The following PCED1B variants were observed in gnomAD, a reference collection of about 807,000 sequenced individuals.
The protein encoded by PCED1B is PC-esterase domain containing 1B.
For synonymous variants in PCED1B, 251 were observed against 246.1 expected, an observed-to-expected ratio of 1.02 and a Z score of -0.19; for missense variants, 573 against 573.9, an observed-to-expected ratio of 1.00 and a Z score of 0.02.
At chr12:47,140,426 C>T (rs1223417271) in intron 2 of PCED1B, among the ~76,000 whole-genome samples, 1 of 152,136 alleles carries the variant, frequency 6.6e-6, no homozygotes, top group East Asian at 1.9e-4. Flanking sequence ...TTTTATGCCC[C>T]TGGCATCTTG....
chr12:47,197,304 T>A lies in PCED1B; in HGVS notation c.-525-18918T>A, dbSNP rs1942635879. ...GCCCTCGCTTGTAAAAAAAAGTCAT[T>A]GCATATTAAAATACAATGATAGCCC... is the stretch of plus-strand genomic sequence containing the variant. On this transcript the variant is annotated intron_variant, in intron 2 of 3. Coordinates refer to ENST00000546455, the MANE Select transcript of PCED1B (RefSeq NM_138371.3). 2.0e-5 allele frequency among the ~76,000 whole-genome samples: 3 copies of A among 149,956 alleles called. No homozygotes were observed. The South Asian group carries it at 6.3e-4, about 32-fold the overall frequency.
At chr12:47,114,366 A>T (rs892537966) in intron 2 of PCED1B, among the ~76,000 whole-genome samples, 3 of 152,204 alleles carry the variant, frequency 2.0e-5, no homozygotes, top group African/African-American at 7.2e-5. Context: ...CCAACTTATG[A>T]CTTAAAAGCA....
chr12:47,083,970 A>T (rs1937862311), intron 1 of PCED1B, among the ~76,000 whole-genome samples: 1 of 152,212 alleles, frequency 6.6e-6, no homozygotes, highest in South Asian at 2.1e-4. Context: ...CACCATTGTA[A>T]CAATTTTAAA....
At chr12:47,080,832 C>G (rs941336710) in intron 1 of PCED1B, among the ~76,000 whole-genome samples, 1 of 152,048 alleles carries the variant, frequency 6.6e-6, no homozygotes, top group African/African-American at 2.4e-5. Context: ...CTTTCTCTTT[C>G]GTTCTCTCTC....
chr12:47,187,239 A>G (rs1385124031), intron 2 of PCED1B, among the ~76,000 whole-genome samples: 1 of 152,194 alleles, frequency 6.6e-6, no homozygotes, highest in Non-Finnish European at 1.5e-5. Context: ...AGAAGTTAGA[A>G]ATGCTGACAC....
chr12:47,231,109 G>A (rs1208622299), intron 3 of PCED1B, among the ~76,000 whole-genome samples: 6 of 152,184 alleles, frequency 3.9e-5, no homozygotes, highest in Non-Finnish European at 8.8e-5. Context: ...ACTCTGTAGA[G>A]GGGCCGATGG....
chr12:47,175,115 G>T (rs1304418518), intron 2 of PCED1B, among the ~76,000 whole-genome samples: 2 of 151,942 alleles, frequency 1.3e-5, no homozygotes, highest in Non-Finnish European at 2.9e-5. Context: ...CTGCATTTTT[G>T]ATATTTAGAA....
intron 2 of PCED1B, chr12:47,206,483 C>T (rs1263264668): frequency 6.6e-6 from 1 of 152,262 alleles, no homozygotes; most frequent in Non-Finnish European, 1.5e-5. Flanking sequence ...GCAGTTTCAA[C>T]CATAGTCAGC....
chr12:47,093,958 T>C (rs925396549), intron 1 of PCED1B, among the ~76,000 whole-genome samples: 4 of 152,144 alleles, frequency 2.6e-5, no homozygotes, highest in Non-Finnish European at 2.9e-5. Context: ...CTGTGCTGTT[T>C]ATATCTTCTA....
At chr12:47,215,804 C>G (rs1943239975) in intron 2 of PCED1B, among the ~76,000 whole-genome samples, 1 of 135,326 alleles carries the variant, frequency 7.4e-6, no homozygotes, top group African/African-American at 3.0e-5. Context: ...CCTATAATCC[C>G]AGCACTTTGG....
intron 2 of PCED1B, among the ~76,000 whole-genome samples, chr12:47,162,001 A>G (rs991612001): frequency 2.6e-5 from 4 of 152,068 alleles, no homozygotes; most frequent in Admixed American, 1.3e-4. Context: ...TTCTCAGCAA[A>G]CTATTGCAAG....
rs1241750438 is a variant in PCED1B, at chr12:47,235,699, G to A, written c.636G>A (p.Leu212=). ...TEARKHNFDV[L]DLHFHFRHAR... is the part of the protein sequence containing the mutation. The stretch of plus-strand genomic sequence containing the variant: ...CACGTAAACATAACTTCGATGTACT[G>A]GACTTGCATTTCCACTTCCGCCACG... The change falls in exon 4 of 4, where the codon CTG becomes CTA. Residue 212 remains leucine (L), a synonymous_variant. Transcript: ENST00000546455. 6.2e-7 allele frequency: 1 copy of A among 1,613,048 alleles called. No individual in the cohort carries two copies. The highest frequency in any genetic ancestry group is 8.5e-7 in the Non-Finnish European group (1 of 1,179,770).
At chr12:47,120,694 C>G (rs1939639363) in intron 2 of PCED1B, among the ~76,000 whole-genome samples, 1 of 151,860 alleles carries the variant, frequency 6.6e-6, no homozygotes, top group Non-Finnish European at 1.5e-5. Context: ...TCCAGCTACT[C>G]GAGAGGCTGA....
chr12:47,093,907 G>A (rs776005687), intron 1 of PCED1B, among the ~76,000 whole-genome samples: 1 of 151,920 alleles, frequency 6.6e-6, no homozygotes, highest in Non-Finnish European at 1.5e-5. Context: ...GTGGTCATTA[G>A]GTACCATTTT....
chr12:47,227,651 C>T (rs533723462), intron 3 of PCED1B, among the ~76,000 whole-genome samples: 188 of 151,858 alleles, frequency 1.2e-3, no homozygotes, highest in Non-Finnish European at 1.7e-3. Context: ...ACCAGGAGTT[C>T]GAGACCAGCC....
chr12:47,235,663 C>T lies in PCED1B; in HGVS notation c.600C>T (p.Ser200=), dbSNP rs767257160. Residue 200 remains serine (S), a synonymous_variant, in exon 4 of 4, where the codon AGC becomes AGT. Coordinates refer to ENST00000546455, the MANE Select transcript of PCED1B (RefSeq NM_138371.3). ...KNEVVKANFH[S]ATEARKHNFD... Reference sequence around the variant, plus strand: ...AAGTGGTCAAAGCCAACTTCCACAGCGCCACCGAGGCACGTAAACATAACT... The same window carrying T: ...AAGTGGTCAAAGCCAACTTCCACAGTGCCACCGAGGCACGTAAACATAACT... 6.2e-7 allele frequency: 1 copy of T among 1,612,524 alleles called. No homozygotes were observed. Among genetic ancestry groups the T allele is most frequent in the East Asian group, 2.2e-5 (1 of 44,854 alleles).
At chr12:47,227,719 T>C (rs1196078773) in intron 3 of PCED1B, among the ~76,000 whole-genome samples, 1 of 151,942 alleles carries the variant, frequency 6.6e-6, no homozygotes, top group East Asian at 2.0e-4. Context: ...CTGGGCATGG[T>C]GGCAAGTGCC....
chr12:47,187,297 A>T (rs1226351873), intron 2 of PCED1B, among the ~76,000 whole-genome samples: 2 of 152,180 alleles, frequency 1.3e-5, no homozygotes, highest in African/African-American at 4.8e-5. Flanking sequence ...ATCTTACCTA[A>T]AACCAAGAAA....
intron 2 of PCED1B, among the ~76,000 whole-genome samples, chr12:47,131,023 T>C (rs1940101904): frequency 6.6e-6 from 1 of 152,232 alleles, no homozygotes; most frequent in South Asian, 2.1e-4. Context: ...TCATATTCAG[T>C]ATGTTCAGTC....
Sources: allele counts gnomAD v4.1 joint callset (sites outside exome capture counted in the v4.1 genomes callset), GRCh38; gene constraint gnomAD v4.1.1; transcripts MANE v1.5; gene names NCBI Gene and HGNC (gene_info 2026-07-23, HGNC 2026-07-21).